Variants in MCOLN2 observed in about 807,000 individuals in gnomAD.
MCOLN2 encodes mucolipin TRP cation channel 2.
Under a neutral mutation model 67.5 loss-of-function variants are expected in MCOLN2, and 57 were observed. The observed-to-expected ratio is 0.84, with a 90% CI of 0.68 to 1.05. MCOLN2 has a LOEUF of 1.05. MCOLN2 is among the 50% of genes least tolerant of loss of function. The pLI is 0.00. For synonymous variants in MCOLN2, 246 were observed against 233.3 expected (o/e 1.05, Z -0.50); for missense variants, 620 against 678.8 (o/e 0.91, Z 0.96).
At chr1:84,957,894 T>C (rs1648876943) in intron 3 of MCOLN2, among the ~76,000 whole-genome samples, 1 of 152,228 alleles carries the variant, frequency 6.6e-6, no homozygotes, top group Non-Finnish European at 1.5e-5. Context: ...GATACTTCAA[T>C]ATTTATTGAG....
Position 84,925,607 on chromosome 1 carries a change from T to C in MCOLN2, c.*1078A>G, listed in dbSNP as rs1661122064. 1.3e-5 allele frequency: 2 copies of C among 152,230 alleles called. No individual in the cohort carries two copies. Among genetic ancestry groups the C allele is most frequent in the Non-Finnish European group, 1.5e-5 (1 of 68,042 alleles). The allele number at this position is 152,230 out of a possible 1,614,324, so 9.4% of individuals were successfully genotyped here. ...ATGGAATGATGAAAATAAATTTATT[T>C]AGAGAAAATATATCATATTTCTTTT... On this transcript the variant is annotated 3_prime_UTR_variant, in exon 14 of 14. Transcript: ENST00000370608.
chr1:84,995,975 T>C (rs1337697273), intron 1 of MCOLN2, among the ~76,000 whole-genome samples: 1 of 152,126 alleles, frequency 6.6e-6, no homozygotes. Flanking sequence ...CCACAGAAAC[T>C]GACCTATGAA....
intron 9 of MCOLN2, among the ~76,000 whole-genome samples, chr1:84,939,115 T>C (rs149815809): frequency 2.0e-5 from 3 of 151,982 alleles, no homozygotes; most frequent in African/African-American, 7.2e-5. Flanking sequence ...TGAGGCTTAG[T>C]TAGGAGATCA....
chr1:84,954,471 C>T (rs1346255594), intron 4 of MCOLN2, among the ~76,000 whole-genome samples: 1 of 152,194 alleles, frequency 6.6e-6, no homozygotes, highest in South Asian at 2.1e-4. Context: ...TTTATATATT[C>T]TCTCAATTAA....
chr1:84,969,341 C>T (rs1464930421), intron 1 of MCOLN2, among the ~76,000 whole-genome samples: 5 of 152,092 alleles, frequency 3.3e-5, no homozygotes, highest in East Asian at 1.9e-4. Context: ...GAGGCAGAGG[C>T]GGGTGGATCA....
chr1:84,973,853 A>G (rs1193792205), intron 1 of MCOLN2, among the ~76,000 whole-genome samples: 1 of 152,188 alleles, frequency 6.6e-6, no homozygotes, highest in Admixed American at 6.5e-5. Context: ...GAGCACTTGC[A>G]CTACCTGCTT....
intron 1 of MCOLN2, among the ~76,000 whole-genome samples, chr1:84,974,038 A>G (rs1352377913): frequency 1.3e-5 from 2 of 152,170 alleles, no homozygotes; most frequent in South Asian, 4.1e-4. Context: ...GCCCGGTTAG[A>G]GCAGAAAGGA....
At chr1:84,963,587 C>G (rs1347321475) in intron 2 of MCOLN2, among the ~76,000 whole-genome samples, 1 of 152,172 alleles carries the variant, frequency 6.6e-6, no homozygotes, top group Non-Finnish European at 1.5e-5. Context: ...TGACAGGTGA[C>G]TAGATCATGG....
chr1:84,929,799 A>T, intron 12 of MCOLN2, 120 bp from the exon 13 acceptor site: 1 of 871,720 alleles, frequency 1.1e-6, no homozygotes. Flanking sequence ...GCTCAGATCC[A>T]AGAACTGATA....
intron 6 of MCOLN2, among the ~76,000 whole-genome samples, chr1:84,948,469 T>C (rs1235561046): frequency 6.6e-6 from 1 of 151,942 alleles, no homozygotes; most frequent in Non-Finnish European, 1.5e-5. Context: ...TTCCATAAAA[T>C]TGGAAAAAGC....
chr1:84,930,433 C>T (rs969381470), intron 12 of MCOLN2, among the ~76,000 whole-genome samples: 2 of 151,682 alleles, frequency 1.3e-5, no homozygotes, highest in Non-Finnish European at 2.9e-5. Context: ...AGATTTTTTT[C>T]CAAGCAGACA....
intron 10 of MCOLN2, 23 bp downstream of exon 10, chr1:84,937,958 A>C (rs1647527507): frequency 6.2e-7 from 1 of 1,612,808 alleles, no homozygotes; most frequent in Non-Finnish European, 8.5e-7. Context: ...CTGCAGTGGC[A>C]CTACCCGGTG....
intron 6 of MCOLN2, 120 bp from the exon 7 acceptor site, chr1:84,947,252 G>A: frequency 1.6e-6 from 1 of 624,110 alleles, no homozygotes; most frequent in Middle Eastern, 3.1e-4. Flanking sequence ...GAATTACACA[G>A]GCCAGCAAAA....
At chr1:84,939,529 A>G in intron 9 of MCOLN2, 24 bp downstream of exon 9, 1 of 1,611,400 alleles carries the variant, frequency 6.2e-7, no homozygotes, top group Non-Finnish European at 8.5e-7. Context: ...TGAAGAACAG[A>G]GACTTTAAAT....
chr1:84,926,713 C>T lies in MCOLN2; in HGVS notation c.1673G>A (p.Ser558Asn), dbSNP rs1171048209. Residue 558 changes from serine to asparagine, a missense_variant, in exon 14 of 14, where the codon AGT becomes AAT. Ser to Asn is a conservative substitution (Grantham distance 46). Transcript: ENST00000370608. ...GCTAATAGGTATCAAGTGATCATCACTTCTTTTCCTGTAACAGAAAGGGAA... is the reference window on the plus strand; with the variant it reads ...GCTAATAGGTATCAAGTGATCATCATTTCTTTTCCTGTAACAGAAAGGGAA... Reference protein sequence around the residue: ...SCICCRRRKRSDDHLIPIS With the variant: ...SCICCRRRKRNDDHLIPIS 6.3e-7 allele frequency: 1 copy of T among 1,594,354 alleles called. No homozygotes were observed. The highest frequency in any genetic ancestry group is 8.6e-7 in the Non-Finnish European group (1 of 1,168,100).
intron 1 of MCOLN2, among the ~76,000 whole-genome samples, chr1:84,990,601 T>C (rs1007562879): frequency 6.6e-6 from 1 of 151,944 alleles, no homozygotes; most frequent in African/African-American, 2.4e-5. Flanking sequence ...AGAATAGATA[T>C]AGTGAGATCT....
intron 4 of MCOLN2, among the ~76,000 whole-genome samples, chr1:84,954,312 C>T (rs1222209234): frequency 6.6e-6 from 1 of 152,180 alleles, no homozygotes; most frequent in Non-Finnish European, 1.5e-5. Context: ...GAGTATTACA[C>T]AACTCAATAC....
intron 1 of MCOLN2, among the ~76,000 whole-genome samples, chr1:84,968,224 T>C (rs890411916): frequency 5.3e-5 from 8 of 152,140 alleles, no homozygotes; most frequent in African/African-American, 1.7e-4. Flanking sequence ...CCCATCCTGA[T>C]AAAGAATGCC....
At chr1:84,962,401 C>G (rs1649135518) in intron 2 of MCOLN2, among the ~76,000 whole-genome samples, 1 of 152,068 alleles carries the variant, frequency 6.6e-6, no homozygotes, top group Non-Finnish European at 1.5e-5. Flanking sequence ...AATAAAAAGC[C>G]AGGTGCAGTG....
Sources: gnomAD v4.1 joint callset for allele counts (sites outside exome capture counted in the v4.1 genomes callset) on GRCh38, gnomAD v4.1.1 for gene constraint, MANE v1.5 for transcripts, NCBI Gene and HGNC (gene_info 2026-07-23, HGNC 2026-07-21) for gene names.